The following NID1 variants were observed in gnomAD, a reference collection of about 807,000 sequenced individuals.
The protein encoded by NID1 is nidogen 1, also known as nidogen-1.
NID1 carries 76 observed loss-of-function variants against 130.6 expected under a neutral mutation model. The ratio of observed to expected loss-of-function variants is 0.58; its 90% CI spans 0.48 to 0.70. The LOEUF (loss-of-function observed/expected upper bound fraction) is 0.70. Among genes scored for constraint, NID1 ranks in the 30% least tolerant of loss-of-function variants. The pLI, the probability that NID1 is intolerant of heterozygous loss-of-function variation, is 0.00. For synonymous variants in NID1, 665 were observed against 675.1 expected (o/e 0.98, Z 0.23); for missense variants, 1,517 against 1,664.8 (o/e 0.91, Z 1.54).
At chr1:236,010,451 C>T (rs1658375126) in intron 12 of NID1, among the ~76,000 whole-genome samples, 2 of 152,012 alleles carry the variant, frequency 1.3e-5, no homozygotes, top group South Asian at 4.1e-4. Flanking sequence ...GTGTGCCACA[C>T]CACACCCAGC....
intron 5 of NID1, 54 bp downstream of exon 5, chr1:236,038,050 A>G: frequency 6.5e-7 from 1 of 1,549,680 alleles, no homozygotes; most frequent in South Asian, 1.2e-5. Flanking sequence ...GCACCAAAAC[A>G]AAAACTCCGC....
At chr1:235,997,605 T>C (rs1335143741) in intron 12 of NID1, among the ~76,000 whole-genome samples, 1 of 149,776 alleles carries the variant, frequency 6.7e-6, no homozygotes, top group Non-Finnish European at 1.5e-5. Flanking sequence ...CCATTACTTT[T>C]TTTTTTTTTT....
chr1:236,019,734 T>C (rs1157056370), intron 9 of NID1, among the ~76,000 whole-genome samples: 3 of 152,140 alleles, frequency 2.0e-5, no homozygotes, highest in South Asian at 2.1e-4. Context: ...TTCTTCCTAA[T>C]GTATAATTTA....
intron 3 of NID1, among the ~76,000 whole-genome samples, chr1:236,043,264 G>C (rs1417810940): frequency 6.6e-6 from 1 of 152,152 alleles, no homozygotes; most frequent in Non-Finnish European, 1.5e-5. Context: ...TCCATTTATA[G>C]CTGGTTGGTC....
intron 9 of NID1, among the ~76,000 whole-genome samples, chr1:236,023,574 G>A (rs1658830170): frequency 6.6e-6 from 1 of 152,092 alleles, no homozygotes; most frequent in Non-Finnish European, 1.5e-5. Flanking sequence ...CAATGCCACT[G>A]AACTGTACAC....
chr1:236,024,226 A>T lies in NID1; in HGVS notation c.1985-13T>A. 1 of 1,613,998 alleles carries T rather than the reference A, an allele frequency of 6.2e-7. No homozygotes were observed. Among genetic ancestry groups the T allele is most frequent in the Non-Finnish European group, 8.5e-7 (1 of 1,179,958 alleles). ...TCAGGGGAGCCTTCTGTGAAGACAG[A>T]GACATTGGAACCAAGTGAGTCTTCA... On this transcript the variant is annotated splice_polypyrimidine_tract_variant and intron_variant, in intron 8 of 19. Transcript: ENST00000264187.
chr1:236,037,195 C>T (rs1659285078), intron 5 of NID1, among the ~76,000 whole-genome samples: 1 of 152,186 alleles, frequency 6.6e-6, no homozygotes, highest in Admixed American at 6.5e-5. Flanking sequence ...GGAATTGGCA[C>T]CCCAGCATTA....
chr1:236,004,461 T>C (rs1658184381), intron 12 of NID1, among the ~76,000 whole-genome samples: 1 of 152,152 alleles, frequency 6.6e-6, no homozygotes, highest in Non-Finnish European at 1.5e-5. Context: ...AGGGTTTTTC[T>C]TCCTTTAAGT....
At chr1:236,063,685 G>T (rs2102856194) in intron 1 of NID1, among the ~76,000 whole-genome samples, 1 of 152,258 alleles carries the variant, frequency 6.6e-6, no homozygotes, top group South Asian at 2.1e-4. Context: ...TACTCAGGAG[G>T]CTGAGGCCAG....
chr1:236,040,120 T>G (rs1659406446), intron 4 of NID1, among the ~76,000 whole-genome samples: 1 of 152,132 alleles, frequency 6.6e-6, no homozygotes, highest in African/African-American at 2.4e-5. Context: ...AAATGAGAAT[T>G]TCAGAGACAC....
At chr1:236,006,089 T>C (rs771534770) in intron 12 of NID1, among the ~76,000 whole-genome samples, 1 of 152,188 alleles carries the variant, frequency 6.6e-6, no homozygotes, top group African/African-American at 2.4e-5. Context: ...TCCACCCATA[T>C]ACCGAATAAA....
Position 236,042,264 on chromosome 1 carries a change from A to G in NID1, c.781T>C (p.Trp261Arg). 1 of 1,606,176 alleles carries G rather than the reference A, an allele frequency of 6.2e-7. No individual in the cohort carries two copies. ...KSSNSGQQGVWVFEIGSPATT... is the reference protein window; with the variant it reads ...KSSNSGQQGVRVFEIGSPATT... ...GCTGGACTCCCAATCTCAAACACCCAGACACCCTGCTGCCCAGAGTTACTA... is the reference window on the plus strand; with the variant it reads ...GCTGGACTCCCAATCTCAAACACCCGGACACCCTGCTGCCCAGAGTTACTA... Residue 261 changes from tryptophan (W) to arginine (R), a missense_variant, in exon 4 of 20, where the codon TGG (tryptophan) becomes CGG (arginine). Trp to Arg is a moderately radical substitution (Grantham distance 101, BLOSUM62 -3). This residue lies in a region of NID1 where 1,329 missense variants were observed against 1,429.2 expected (regional missense o/e 0.93). Coordinates refer to ENST00000264187, the MANE Select transcript of NID1 (RefSeq NM_002508.3).
At chr1:236,004,251 A>G (rs1411968777) in intron 12 of NID1, among the ~76,000 whole-genome samples, 4 of 152,144 alleles carry the variant, frequency 2.6e-5, no homozygotes, top group Non-Finnish European at 5.9e-5. Flanking sequence ...AACAAAATCC[A>G]TAGCCCATGG....
At chr1:236,055,954 A>G (rs1466394405) in intron 1 of NID1, among the ~76,000 whole-genome samples, 1 of 152,222 alleles carries the variant, frequency 6.6e-6, no homozygotes, top group Non-Finnish European at 1.5e-5. Context: ...TGATAGATCA[A>G]CGGGACAGAA....
intron 6 of NID1, among the ~76,000 whole-genome samples, chr1:236,031,978 C>G (rs550256784): frequency 6.6e-6 from 1 of 152,182 alleles, no homozygotes; most frequent in East Asian, 1.9e-4. Context: ...GAGGAAATAT[C>G]AAAGATCAGT....
intron 6 of NID1, among the ~76,000 whole-genome samples, chr1:236,031,818 C>A (rs949652035): frequency 6.6e-6 from 1 of 152,166 alleles, no homozygotes; most frequent in African/African-American, 2.4e-5. Context: ...TCTGCCCACG[C>A]GTCCAGTAAA....
intron 9 of NID1, among the ~76,000 whole-genome samples, chr1:236,022,302 A>G (rs1658788156): frequency 1.3e-5 from 2 of 151,254 alleles, no homozygotes; most frequent in Admixed American, 1.3e-4. Context: ...AAATAAATAA[A>G]TAGGAGAATG....
In NID1 at chr1:235,997,123, C is replaced by T. The variant is rs576246347; in HGVS notation, c.2528-3251G>A. 1.1e-3 allele frequency among the ~76,000 whole-genome samples: 174 copies of T among 152,330 alleles called. 1 individual carries two copies. The highest frequency in any genetic ancestry group is 4.1e-3 in the African/African-American group (171 of 41,568). ...TGCTGGGACTATAGGCATGAGCCACCATGCCTGGCCTCCTCTCTGCTTTTT... is the reference window on the plus strand; with the variant it reads ...TGCTGGGACTATAGGCATGAGCCACTATGCCTGGCCTCCTCTCTGCTTTTT... On this transcript the variant is annotated intron_variant, in intron 12 of 19. Transcript: ENST00000264187.
At chr1:236,042,712 G>C (rs1659490386) in intron 3 of NID1, among the ~76,000 whole-genome samples, 1 of 152,210 alleles carries the variant, frequency 6.6e-6, no homozygotes, top group Non-Finnish European at 1.5e-5. Context: ...TGATACAATT[G>C]AAAATACATG....
Sources: allele counts gnomAD v4.1 joint callset (sites outside exome capture counted in the v4.1 genomes callset), GRCh38; gene constraint gnomAD v4.1.1; regional missense constraint gnomAD v4.1.1; transcripts MANE v1.5; gene names NCBI Gene and HGNC (gene_info 2026-07-23, HGNC 2026-07-21).